Variants in FRMD4B observed in about 807,000 individuals in gnomAD.
The protein encoded by FRMD4B is FERM domain-containing protein 4B.
Under a neutral mutation model 141.5 loss-of-function variants are expected in FRMD4B, and 74 were observed. The ratio of observed to expected loss-of-function variants is 0.52; its 90% CI spans 0.43 to 0.63. The LOEUF (loss-of-function observed/expected upper bound fraction) is 0.63, where lower values mean the gene tolerates loss of function less well. Among genes scored for constraint, FRMD4B ranks in the 30% least tolerant of loss-of-function variants. The pLI is 0.00. For synonymous variants in FRMD4B, 506 were observed against 467.9 expected, an observed-to-expected ratio of 1.08 and a Z score of -1.05; for missense variants, 1,366 against 1,253.4, an observed-to-expected ratio of 1.09 and a Z score of -1.36.
chr3:69,482,739 G>T (rs1326621439), intron 1 of FRMD4B, among the ~76,000 whole-genome samples: 2 of 152,204 alleles, frequency 1.3e-5, no homozygotes, highest in Non-Finnish European at 2.9e-5. Flanking sequence ...ACTGTCAAAA[G>T]TATGGGGCTT....
At position 69,519,530 on chromosome 3, in the gene FRMD4B, G is replaced by A. The variant is rs9881752; in HGVS notation, c.-129+22676C>T. Among the ~76,000 whole-genome samples, 457 of 152,200 alleles carry A rather than the reference G, an allele frequency of 3.0e-3. 3 individuals are homozygous for A. Among genetic ancestry groups the A allele is most frequent in the African/African-American group, 0.01 (435 of 41,516 alleles). ...ACTCTATTCCTCCTCATGCCTCAGG[G>A]AGCCTGCTGGCTTTTTGGCTGCTAT... On this transcript the variant is annotated intron_variant, in intron 1 of 5. Transcript: ENST00000459638.
intron 5 of FRMD4B, among the ~76,000 whole-genome samples, chr3:69,280,623 C>T (rs771153746): frequency 5.9e-5 from 9 of 152,150 alleles, no homozygotes; most frequent in African/African-American, 2.2e-4. Context: ...TGAATAGACA[C>T]GTGATGCCAG....
rs760160626 is a variant in FRMD4B at position 69,250,044 on chromosome 3, T to C, written c.557A>G (p.Gln186Arg). 2.5e-6 allele frequency: 4 copies of C among 1,603,258 alleles called. No homozygotes were observed. The highest frequency in any genetic ancestry group is 3.3e-5 in the Admixed American group (2 of 60,000). ...TIFKLAAFIL[Q>R]EAKGDYTSDE... ...AAGAGGCAGTTTGTCCAATCTTACC[T>C]GTAAAATAAACGCTGCTAACTTGAA... The change falls in exon 6 of 23, where the codon CAG (glutamine) becomes CGG (arginine). Residue 186 changes from glutamine (Q) to arginine (R), a missense_variant and splice_region_variant. Physicochemically the swap from Gln to Arg is conservative, Grantham distance 43 (BLOSUM62 1). Coordinates refer to ENST00000398540, the MANE Select transcript of FRMD4B (RefSeq NM_015123.3).
At chr3:69,465,049 G>C (rs1019572295) in intron 1 of FRMD4B, among the ~76,000 whole-genome samples, 4 of 152,136 alleles carry the variant, frequency 2.6e-5, no homozygotes, top group Non-Finnish European at 5.9e-5. Context: ...ATCCAGGCGT[G>C]GTGGCTCACA....
At chr3:69,475,790 C>T (rs1053641686) in intron 1 of FRMD4B, among the ~76,000 whole-genome samples, 65 of 151,524 alleles carry the variant, frequency 4.3e-4, no homozygotes, top group Non-Finnish European at 8.2e-4. Context: ...CACCGACTTC[C>T]ACAATGGTTG....
At chr3:69,361,410 T>C (rs1352732468) in intron 1 of FRMD4B, among the ~76,000 whole-genome samples, 1 of 152,202 alleles carries the variant, frequency 6.6e-6, no homozygotes, top group Non-Finnish European at 1.5e-5. Flanking sequence ...CTATAAATGA[T>C]GCATAATAAA....
chr3:69,463,882 G>A lies in FRMD4B; in HGVS notation c.-128-31121C>T, dbSNP rs1705740935. Among the ~76,000 whole-genome samples, 2 of 152,144 alleles carry A rather than the reference G, an allele frequency of 1.3e-5. 1 individual carries two copies. Among genetic ancestry groups the A allele is most frequent in the South Asian group, 4.1e-4 (2 of 4,828 alleles). On this transcript the variant is annotated intron_variant, in intron 1 of 5. Transcript: ENST00000459638. Reference sequence around the variant, plus strand: ...TCATCTCCTGAGTACAGCTTTGAAAGGCTATTAGAGATCCACCCAGTAGAA... The same window carrying A: ...TCATCTCCTGAGTACAGCTTTGAAAAGCTATTAGAGATCCACCCAGTAGAA...
chr3:69,379,067 G>A (rs1704047342), intron 1 of FRMD4B, among the ~76,000 whole-genome samples: 1 of 152,116 alleles, frequency 6.6e-6, no homozygotes, highest in South Asian at 2.1e-4. Context: ...TACATTTTCT[G>A]AAGGCAAGAC....
chr3:69,170,417 GTCT>G lies in FRMD4B; in HGVS notation c.*1441_*1443del, dbSNP rs2092573988. 6.7e-6 allele frequency: 1 copy of G among 150,336 alleles called. No individual in the cohort carries two copies. Among genetic ancestry groups the G allele is most frequent in the Non-Finnish European group, 1.5e-5 (1 of 67,522 alleles). The allele number at this position is 150,336 out of a possible 1,614,324, so 9.3% of individuals were successfully genotyped here. A position where few individuals can be genotyped will look rare whatever the true frequency, so the allele number is the denominator to read the frequency against. The stretch of plus-strand genomic sequence containing the variant: ...AGGAATAAGTTATTTTTTTTTGCTT[GTCT>G]TTTTTCCAAAATTTTTTCCCAAACT... On this transcript the variant is annotated 3_prime_UTR_variant, in exon 23 of 23. Transcript: ENST00000398540.
At chr3:69,228,334 A>G (rs895920296) in intron 7 of FRMD4B, 7 of 456,864 alleles carry the variant, frequency 1.5e-5, no homozygotes, top group Admixed American at 9.4e-5. Flanking sequence ...GACATCTCAG[A>G]TGCAAATATC....
intron 9 of FRMD4B, among the ~76,000 whole-genome samples, chr3:69,221,109 G>A (rs2093190076): frequency 1.3e-5 from 2 of 151,846 alleles, no homozygotes; most frequent in African/African-American, 4.8e-5. Context: ...ATTACAGGTG[G>A]TTGCCAACAT....
chr3:69,510,935 T>C, intron 1 of FRMD4B, among the ~76,000 whole-genome samples: 1 of 152,228 alleles, frequency 6.6e-6, no homozygotes. Flanking sequence ...AGTTGACCAA[T>C]AAATCTAACC....
At chr3:69,372,161 G>C (rs540558845) in intron 1 of FRMD4B, among the ~76,000 whole-genome samples, 31 of 152,260 alleles carry the variant, frequency 2.0e-4, no homozygotes, top group Middle Eastern at 3.4e-3. Flanking sequence ...TGGTCTGCAC[G>C]TGCCAAGCTC....
At chr3:69,259,518 C>T (rs1417877548) in intron 5 of FRMD4B, among the ~76,000 whole-genome samples, 1 of 152,178 alleles carries the variant, frequency 6.6e-6, no homozygotes, top group Non-Finnish European at 1.5e-5. Context: ...TGTTATTCTC[C>T]ACACTAATGT....
intron 1 of FRMD4B, among the ~76,000 whole-genome samples, chr3:69,383,670 C>T (rs999625976): frequency 5.9e-5 from 9 of 151,994 alleles, no homozygotes; most frequent in Admixed American, 2.0e-4. Flanking sequence ...AGTGATCCTC[C>T]TGCCTCAACG....
At chr3:69,214,105 G>A (rs2093115395) in intron 11 of FRMD4B, among the ~76,000 whole-genome samples, 1 of 152,094 alleles carries the variant, frequency 6.6e-6, no homozygotes, top group Non-Finnish European at 1.5e-5. Context: ...TGTTATCTGT[G>A]TCAGTTTCAC....
chr3:69,478,754 T>A (rs1477134161), intron 1 of FRMD4B, among the ~76,000 whole-genome samples: 2 of 152,296 alleles, frequency 1.3e-5, no homozygotes, highest in South Asian at 4.1e-4. Flanking sequence ...AATTCCTGGG[T>A]ATCCTTGTTA....
At chr3:69,363,557 T>C (rs1053490201) in intron 1 of FRMD4B, among the ~76,000 whole-genome samples, 3 of 151,930 alleles carry the variant, frequency 2.0e-5, no homozygotes, top group Non-Finnish European at 4.4e-5. Context: ...GCCTGGCTAA[T>C]TTTTTGTATT....
At chr3:69,211,552 G>C (rs1400191689) in intron 11 of FRMD4B, among the ~76,000 whole-genome samples, 6 of 152,124 alleles carry the variant, frequency 3.9e-5, no homozygotes, top group Admixed American at 3.9e-4. Flanking sequence ...GTCACTGCTG[G>C]GAGATCTTGG....
Sources: allele counts gnomAD v4.1 joint callset (sites outside exome capture counted in the v4.1 genomes callset), GRCh38; gene constraint gnomAD v4.1.1; transcripts MANE v1.5; gene names NCBI Gene and HGNC (gene_info 2026-07-23, HGNC 2026-07-21).